The following FAM120A variants were observed in gnomAD, a reference collection of about 807,000 sequenced individuals.
FAM120A encodes the protein family with sequence similarity 120 member A.
In FAM120A, 15 loss-of-function variants were observed where a neutral mutation model predicts 109.7. That is an observed-to-expected ratio of 0.14 (90% CI 0.09 to 0.21). FAM120A has a LOEUF of 0.21. Among genes scored for constraint, FAM120A ranks in the 10% least tolerant of loss-of-function variants. FAM120A has a pLI of 1.00. For missense variants in FAM120A, 899 were observed against 1,439.3 expected, an observed-to-expected ratio of 0.62 and a Z score of 6.07; for synonymous variants, 493 against 572.8, an observed-to-expected ratio of 0.86 and a Z score of 1.99.
chr9:93,452,763 C>T lies in FAM120A; in HGVS notation c.474+374C>T. ...ACCTTCAACTTTGACAAAATACTCC[C>T]TTTTCTAATTTAGCCTGTTCTTTCC... is the stretch of plus-strand genomic sequence containing the variant. On this transcript the variant is annotated intron_variant, in intron 1 of 17. Coordinates refer to ENST00000277165, the MANE Select transcript of FAM120A (RefSeq NM_014612.5). This position sits in a 1 kb window ranked among gnomAD's most constrained non-coding sequence, Gnocchi z 7.0. The T allele has an allele frequency of 1.3e-6, 2 of 1,596,878 alleles. No individual in the cohort carries two copies. Among genetic ancestry groups the T allele is most frequent in the Non-Finnish European group, 1.7e-6 (2 of 1,179,486 alleles).
intron 3 of FAM120A, 40 bp downstream of exon 3, chr9:93,476,378 C>T (rs1434255300): frequency 3.8e-5 from 50 of 1,325,808 alleles, no homozygotes; most frequent in Non-Finnish European, 5.1e-5. Context: ...TTGTAATAAT[C>T]AACTGTGAGT....
chr9:93,506,636 C>T (rs142556030), intron 5 of FAM120A, among the ~76,000 whole-genome samples: 8 of 150,898 alleles, frequency 5.3e-5, no homozygotes, highest in African/African-American at 2.0e-4. Flanking sequence ...CTCGCTCTGT[C>T]GCCCAGACTG....
At chr9:93,454,717 A>T (rs749466318) in intron 1 of FAM120A, among the ~76,000 whole-genome samples, 2 of 152,226 alleles carry the variant, frequency 1.3e-5, no homozygotes, top group Non-Finnish European at 2.9e-5. Context: ...TACAATGTTT[A>T]TTCTATAAGG....
chr9:93,556,607 G>C lies in FAM120A; in HGVS notation c.2484+16G>C. On this transcript the variant is annotated intron_variant, in intron 13 of 17. Coordinates refer to ENST00000277165, the MANE Select transcript of FAM120A (RefSeq NM_014612.5). ...TGATGGTCAGGTATGCTGCGGGGCC[G>C]GGTGGCTGCCTTTAACTGCAATGAA... 1.2e-6 allele frequency: 2 copies of C among 1,612,108 alleles called. No individual in the cohort carries two copies.
chr9:93,455,986 A>C (rs1371353395), intron 1 of FAM120A, among the ~76,000 whole-genome samples: 1 of 152,152 alleles, frequency 6.6e-6, no homozygotes, highest in Non-Finnish European at 1.5e-5. Context: ...TGATTTAGAG[A>C]TTATTTCTTT....
chr9:93,528,479 C>T (rs1861181273), intron 8 of FAM120A, among the ~76,000 whole-genome samples: 1 of 152,198 alleles, frequency 6.6e-6, no homozygotes, highest in Admixed American at 6.5e-5. Flanking sequence ...TCAGACAATT[C>T]AGACTGCTAA....
intron 1 of FAM120A, among the ~76,000 whole-genome samples, chr9:93,467,959 G>A (rs1858127211): frequency 6.6e-6 from 1 of 151,810 alleles, no homozygotes; most frequent in Non-Finnish European, 1.5e-5. Context: ...TTGACTCACT[G>A]CAACCTCTGC....
intron 3 of FAM120A, among the ~76,000 whole-genome samples, chr9:93,489,778 G>T (rs543502292): frequency 9.2e-5 from 14 of 152,270 alleles, no homozygotes; most frequent in African/African-American, 3.4e-4. Context: ...GACAATTCTG[G>T]GGTCTATGTG....
intron 10 of FAM120A, among the ~76,000 whole-genome samples, chr9:93,541,800 A>T (rs905253507): frequency 2.6e-5 from 4 of 152,210 alleles, no homozygotes; most frequent in African/African-American, 9.6e-5. Context: ...ACAGAGCCCT[A>T]TGAGGTCTTG....
chr9:93,476,239 C>T lies in FAM120A; in HGVS notation c.722-17C>T, dbSNP rs1858543906. 2 of 1,540,462 alleles carry T rather than the reference C, an allele frequency of 1.3e-6. No individual in the cohort carries two copies. Among genetic ancestry groups the T allele is most frequent in the South Asian group, 2.2e-5 (2 of 89,490 alleles). ...CTTAAGATGATTGCTTTTATGTTAT[C>T]CATGTTTATATTCCAGGAAATCACA... On this transcript the variant is annotated splice_polypyrimidine_tract_variant and intron_variant, in intron 2 of 17. Coordinates refer to ENST00000277165, the MANE Select transcript of FAM120A (RefSeq NM_014612.5).
intron 3 of FAM120A, among the ~76,000 whole-genome samples, chr9:93,482,184 A>ATTTTTTTTT (rs386415495): frequency 3.4e-5 from 4 of 118,370 alleles, no homozygotes; most frequent in Admixed American, 9.3e-5. Flanking sequence ...ATTCACCTCC[A>ATTTTTTTTT]TTTTTTTTTT....
intron 12 of FAM120A, among the ~76,000 whole-genome samples, chr9:93,555,530 C>T (rs1421046385): frequency 6.6e-6 from 1 of 152,174 alleles, no homozygotes; most frequent in Non-Finnish European, 1.5e-5. Context: ...CCACCAAAGT[C>T]GGAAGACAAA....
In FAM120A at chr9:93,497,564, G is replaced by T; in HGVS notation, c.898G>T (p.Asp300Tyr). The change falls in exon 4 of 18, where the codon GAT becomes TAT. Residue 300 changes from aspartate (D) to tyrosine (Y), a missense_variant. This residue lies in a region of FAM120A where 258 missense variants were observed against 451.4 expected (regional missense o/e 0.57). Coordinates refer to ENST00000277165, the MANE Select transcript of FAM120A (RefSeq NM_014612.5). ...CAACATTCAGGACACCTCTGACTTG[G>T]ATGCCATAGCTAAAGATGTTTTCCA... ...VRNIQDTSDL[D>Y]AIAKDVFQHS... 1.2e-6 allele frequency: 2 copies of T among 1,609,490 alleles called. No homozygotes were observed. Among genetic ancestry groups the T allele is most frequent in the Non-Finnish European group, 1.7e-6 (2 of 1,178,550 alleles).
At chr9:93,540,388 C>A (rs1358040934) in intron 10 of FAM120A, among the ~76,000 whole-genome samples, 1 of 152,224 alleles carries the variant, frequency 6.6e-6, no homozygotes, top group East Asian at 1.9e-4. Flanking sequence ...CTGAATTGGA[C>A]TTGCTGTTCT....
At chr9:93,476,475 T>C in intron 3 of FAM120A, 137 bp downstream of exon 3, 1 of 618,582 alleles carries the variant, frequency 1.6e-6, no homozygotes, top group Admixed American at 2.8e-5. Flanking sequence ...TTTCAGGATC[T>C]GCACTGCCTT....
intron 11 of FAM120A, among the ~76,000 whole-genome samples, chr9:93,550,175 G>C (rs1198577060): frequency 2.0e-5 from 3 of 152,148 alleles, no homozygotes; most frequent in Non-Finnish European, 4.4e-5. Context: ...TTCATCTCGG[G>C]ATTTGTCTTT....
At chr9:93,503,861 GT>G in intron 5 of FAM120A, among the ~76,000 whole-genome samples, 1 of 152,020 alleles carries the variant, frequency 6.6e-6, no homozygotes, top group South Asian at 2.1e-4. Context: ...ATATTTTAAA[GT>G]AAAGAGCTCG....
At chr9:93,455,311 T>C (rs1396013586) in intron 1 of FAM120A, among the ~76,000 whole-genome samples, 4 of 152,166 alleles carry the variant, frequency 2.6e-5, no homozygotes, top group Non-Finnish European at 5.9e-5. Context: ...ACTATAGTGA[T>C]AGGGACCAAT....
At chr9:93,519,743 C>A (rs1312195331) in intron 7 of FAM120A, among the ~76,000 whole-genome samples, 1 of 152,026 alleles carries the variant, frequency 6.6e-6, no homozygotes, top group Non-Finnish European at 1.5e-5. Context: ...CCTAGTTTCC[C>A]CAACAATGAA....
Sources: gnomAD v4.1 joint callset for allele counts (sites outside exome capture counted in the v4.1 genomes callset) on GRCh38, gnomAD v4.1.1 for gene constraint, gnomAD v4.1.1 regional missense constraint, Gnocchi (gnomAD v3.1) non-coding constraint, MANE v1.5 for transcripts, NCBI Gene and HGNC (gene_info 2026-07-23, HGNC 2026-07-21) for gene names.